The following FSTL4 variants were observed in gnomAD, a reference collection of about 807,000 sequenced individuals.
FSTL4 encodes follistatin like 4.
Under a neutral mutation model 78.2 loss-of-function variants are expected in FSTL4, and 28 were observed. The ratio of observed to expected loss-of-function variants is 0.36; its 90% CI spans 0.27 to 0.49. The LOEUF is 0.49. Among genes scored for constraint, FSTL4 ranks in the 20% least tolerant of loss-of-function variants. FSTL4 has a pLI of 0.98. For synonymous variants in FSTL4, 422 were observed against 440.5 expected (o/e 0.96, Z 0.53); for missense variants, 922 against 1,084.9 (o/e 0.85, Z 2.11).
At chr5:133,230,265 C>A (rs866155779) in intron 8 of FSTL4, among the ~76,000 whole-genome samples, 7 of 152,150 alleles carry the variant, frequency 4.6e-5, no homozygotes, top group Admixed American at 2.0e-4. Context: ...TGGGCTCACC[C>A]CCAGCGTCTG....
At chr5:133,505,942 A>G (rs1309351615) in intron 3 of FSTL4, among the ~76,000 whole-genome samples, 2 of 152,238 alleles carry the variant, frequency 1.3e-5, no homozygotes, top group African/African-American at 2.4e-5. Flanking sequence ...GCTTCTGAAT[A>G]TATTCTTCAA....
At chr5:133,431,237 C>T (rs1444465009) in intron 3 of FSTL4, among the ~76,000 whole-genome samples, 1 of 152,178 alleles carries the variant, frequency 6.6e-6, no homozygotes, top group Non-Finnish European at 1.5e-5. Flanking sequence ...ACTGTGTTAC[C>T]ACCTGTGGTA....
At chr5:133,226,931 G>A (rs567584343) in intron 8 of FSTL4, among the ~76,000 whole-genome samples, 12 of 152,132 alleles carry the variant, frequency 7.9e-5, no homozygotes, top group Admixed American at 3.9e-4. Flanking sequence ...GGTGGGCAGA[G>A]GATAAAAGAA....
rs898079767 is a variant in FSTL4 at position 133,236,127 on chromosome 5, A to T, written c.895-2590T>A. Among the ~76,000 whole-genome samples the T allele has an allele frequency of 2.6e-5, 4 of 152,102 alleles. No individual in the cohort carries two copies. The highest frequency in any genetic ancestry group is 2.6e-4 in the Admixed American group (4 of 15,286). On this transcript the variant is annotated intron_variant, in intron 7 of 15. Coordinates refer to ENST00000265342, the MANE Select transcript of FSTL4 (RefSeq NM_015082.2). This position sits in a 1 kb window ranked among gnomAD's most constrained non-coding sequence, Gnocchi z 5.0. ...GTGGACCTGCTGGCATTTTCCCTCCAAACTGCCTTCCTGAGCCTTCACATC... is the reference window on the plus strand; with the variant it reads ...GTGGACCTGCTGGCATTTTCCCTCCTAACTGCCTTCCTGAGCCTTCACATC...
intron 3 of FSTL4, among the ~76,000 whole-genome samples, chr5:133,408,665 C>T (rs1194526439): frequency 6.6e-6 from 1 of 152,218 alleles, no homozygotes; most frequent in Non-Finnish European, 1.5e-5. Context: ...AACACAGTAA[C>T]ACAGTAAAAC....
chr5:133,837,764 C>G, the FSTL4 span, among the ~76,000 whole-genome samples: 1 of 152,214 alleles, frequency 6.6e-6, no homozygotes, highest in Admixed American at 6.5e-5. Flanking sequence ...ATCAACATCT[C>G]AGGCATTTCG....
chr5:133,636,684 T>C, the FSTL4 span, among the ~76,000 whole-genome samples: 1 of 152,158 alleles, frequency 6.6e-6, no homozygotes, highest in African/African-American at 2.4e-5. Context: ...GTAAGCACTA[T>C]GTAAATATTT....
intron 7 of FSTL4, among the ~76,000 whole-genome samples, chr5:133,241,060 T>A (rs901089967): frequency 6.6e-6 from 1 of 152,192 alleles, no homozygotes; most frequent in African/African-American, 2.4e-5. Context: ...CACCGAGGCC[T>A]GGGTGAGCTT....
chr5:133,494,229 GA>G (rs1446088237), intron 3 of FSTL4, among the ~76,000 whole-genome samples: 7 of 152,152 alleles, frequency 4.6e-5, no homozygotes, highest in African/African-American at 1.7e-4. Context: ...AAAAGGAAGA[GA>G]TTTCCACTTC....
At chr5:133,286,725 C>T (rs1206108761) in intron 6 of FSTL4, among the ~76,000 whole-genome samples, 2 of 152,294 alleles carry the variant, frequency 1.3e-5, no homozygotes, top group East Asian at 1.9e-4. Context: ...AGCTGGCCCA[C>T]AGTGGACTGC....
At chr5:133,363,798 T>C (rs367803671) in intron 4 of FSTL4, among the ~76,000 whole-genome samples, 32 of 152,198 alleles carry the variant, frequency 2.1e-4, no homozygotes, top group African/African-American at 7.7e-4. Flanking sequence ...CCAAGGGTTG[T>C]CTAAAATGAG....
At chr5:133,595,760 G>C (rs1280422199) in intron 2 of FSTL4, among the ~76,000 whole-genome samples, 2 of 152,184 alleles carry the variant, frequency 1.3e-5, no homozygotes, top group African/African-American at 4.8e-5. Context: ...TACCATCTTA[G>C]TGCTCATGAC....
chr5:133,303,150 T>C (rs1406249382), intron 6 of FSTL4, among the ~76,000 whole-genome samples: 1 of 152,240 alleles, frequency 6.6e-6, no homozygotes, highest in Admixed American at 6.5e-5. Flanking sequence ...GGCCTCTGAC[T>C]ATATTTCAAC....
chr5:133,554,805 T>C (rs1042133033), intron 3 of FSTL4, among the ~76,000 whole-genome samples: 1 of 152,218 alleles, frequency 6.6e-6, no homozygotes, highest in Non-Finnish European at 1.5e-5. Context: ...GAGGTTTGGA[T>C]TGGAGAGAGC....
In FSTL4 at chr5:133,199,904, A is replaced by G. The variant is rs952342063; in HGVS notation, c.1827-107T>C. The G allele has an allele frequency of 6.5e-5, 41 of 626,624 alleles. No homozygotes were observed. Among genetic ancestry groups the G allele is most frequent in the African/African-American group, 5.9e-4 (32 of 54,150 alleles). 38.8% of individuals were successfully genotyped at this position (626,624 alleles called of 1,614,324 possible). ...CCTTTTCCCTTTATTATAATCCTTCAGTGATCTAATAGCCTAGTAATAAGA... is the reference window on the plus strand; with the variant it reads ...CCTTTTCCCTTTATTATAATCCTTCGGTGATCTAATAGCCTAGTAATAAGA... On this transcript the variant is annotated intron_variant, in intron 15 of 15. Coordinates refer to ENST00000265342, the MANE Select transcript of FSTL4 (RefSeq NM_015082.2). The surrounding 1 kb of genome is among the most constrained non-coding windows in gnomAD (Gnocchi z 4.4).
chr5:133,658,319 G>A, the FSTL4 span, among the ~76,000 whole-genome samples: 2 of 151,990 alleles, frequency 1.3e-5, no homozygotes, highest in African/African-American at 4.8e-5. Flanking sequence ...TCTTGATTTC[G>A]GATGGTTTGT....
intron 4 of FSTL4, among the ~76,000 whole-genome samples, chr5:133,336,341 G>C (rs747872813): frequency 6.6e-6 from 1 of 152,242 alleles, no homozygotes; most frequent in African/African-American, 2.4e-5. Flanking sequence ...GTGTGAAGTG[G>C]GTGGAGAAGG....
intron 3 of FSTL4, among the ~76,000 whole-genome samples, chr5:133,487,619 A>G (rs1451615560): frequency 6.6e-6 from 1 of 152,120 alleles, no homozygotes; most frequent in Admixed American, 6.5e-5. Context: ...CACGGTGCCT[A>G]GTTGATGACG....
chr5:133,673,484 C>A, the FSTL4 span, among the ~76,000 whole-genome samples: 2 of 152,200 alleles, frequency 1.3e-5, no homozygotes, highest in Non-Finnish European at 2.9e-5. Flanking sequence ...CTTGTCAGCA[C>A]ACCTGTCACT....
Sources: gnomAD v4.1 joint callset for allele counts (sites outside exome capture counted in the v4.1 genomes callset) on GRCh38, gnomAD v4.1.1 for gene constraint, Gnocchi (gnomAD v3.1) non-coding constraint, MANE v1.5 for transcripts, NCBI Gene and HGNC (gene_info 2026-07-23, HGNC 2026-07-21) for gene names.